The following TAOK1 variants were observed in gnomAD, a reference collection of about 807,000 sequenced individuals.
TAOK1 encodes TAO kinase 1, also known as serine/threonine-protein kinase TAO1.
TAOK1 carries 21 observed loss-of-function variants against 138.3 expected under a neutral mutation model. That is an observed-to-expected ratio of 0.15 (90% confidence interval 0.11 to 0.22). TAOK1 has a LOEUF of 0.22. TAOK1 is among the 10% of genes least tolerant of loss of function. The probability of loss-of-function intolerance (pLI) is 1.00; values close to 1 mark genes in which losing one functional copy is unlikely to be tolerated. For synonymous variants in TAOK1, 361 were observed against 398.4 expected (o/e 0.91, Z 1.12); for missense variants, 651 against 1,227.7 (o/e 0.53, Z 7.02).
chr17:29,543,010 G>A lies in TAOK1; in HGVS notation c.2994G>A (p.Met998Ile), dbSNP rs146733102. The change falls in exon 20 of 20, where the codon ATG becomes ATA. Residue 998 changes from methionine to isoleucine, a missense_variant. Met to Ile is a conservative substitution (Grantham distance 10, BLOSUM62 1). Coordinates refer to ENST00000261716, the MANE Select transcript of TAOK1 (RefSeq NM_020791.4). Reference protein sequence around the residue: ...VTSQISNGSHMSYT With the variant: ...VTSQISNGSHISYT ...CACAAATATCCAATGGGTCACACAT[G>A]TCTTATACATAACTTAATAATTGAG... The A allele has an allele frequency of 3.8e-4, 609 of 1,589,112 alleles. No homozygotes were observed. The highest frequency in any genetic ancestry group is 6.4e-4 in the South Asian group (57 of 88,976).
chr17:29,473,050 C>T (rs2030862918), intron 3 of TAOK1, among the ~76,000 whole-genome samples: 1 of 152,320 alleles, frequency 6.6e-6, no homozygotes, highest in African/African-American at 2.4e-5. Context: ...TGAAAGGAAT[C>T]TTTCTGAGCA....
chr17:29,392,169 T>TTCTC (rs1567704902), intron 1 of TAOK1, among the ~76,000 whole-genome samples: 6 of 152,044 alleles, frequency 3.9e-5, no homozygotes. Flanking sequence ...TGAGGCGAGA[T>TTCTC]GGTGCCACTG....
chr17:29,429,941 AC>A (rs1296097387), intron 1 of TAOK1, among the ~76,000 whole-genome samples: 4 of 152,224 alleles, frequency 2.6e-5, no homozygotes, highest in African/African-American at 9.6e-5. Flanking sequence ...GATCTTGTTG[AC>A]AGTAAAATTT....
Position 29,530,480 on chromosome 17 carries a change from GAAATCACCTGCT to G in TAOK1, c.2223_2234del (p.Asn742_Leu745del). ...CAAACCAGACAGTACAAAGCATTAA[GAAATCACCTGCT>G]GGAGACTACACCAAAGAGTGAGCAC... On this transcript the variant is annotated inframe_deletion, in exon 18 of 20. Coordinates refer to ENST00000261716, the MANE Select transcript of TAOK1 (RefSeq NM_020791.4). 1 of 1,613,986 alleles carries G rather than the reference GAAATCACCTGCT, an allele frequency of 6.2e-7. No individual in the cohort carries two copies.
chr17:29,404,338 A>G (rs1472547562), intron 1 of TAOK1, among the ~76,000 whole-genome samples: 2 of 151,948 alleles, frequency 1.3e-5, no homozygotes, highest in African/African-American at 4.8e-5. Context: ...AATTTTTTGT[A>G]TTTTTAGTAG....
chr17:29,459,319 A>G (rs1439791927), intron 2 of TAOK1, among the ~76,000 whole-genome samples: 1 of 152,070 alleles, frequency 6.6e-6, no homozygotes, highest in Non-Finnish European at 1.5e-5. Flanking sequence ...GTAATTTTAT[A>G]TAATTGTTTT....
intron 8 of TAOK1, among the ~76,000 whole-genome samples, chr17:29,484,796 G>T (rs1212201557): frequency 6.6e-6 from 1 of 151,956 alleles, no homozygotes; most frequent in Non-Finnish European, 1.5e-5. Context: ...GTAGAGATAG[G>T]TTTTCACCAT....
At chr17:29,425,920 G>A (rs1489885709) in intron 1 of TAOK1, among the ~76,000 whole-genome samples, 5 of 151,950 alleles carry the variant, frequency 3.3e-5, no homozygotes, top group East Asian at 1.9e-4. Context: ...TCGCTCTGTC[G>A]CCCAGGCTGG....
At chr17:29,484,847 C>T (rs1226853756) in intron 8 of TAOK1, among the ~76,000 whole-genome samples, 2 of 152,100 alleles carry the variant, frequency 1.3e-5, no homozygotes, top group Non-Finnish European at 2.9e-5. Context: ...TCAGGTGATC[C>T]ACCCACCTCA....
At chr17:29,433,978 G>A (rs1157433959) in intron 1 of TAOK1, among the ~76,000 whole-genome samples, 2 of 152,192 alleles carry the variant, frequency 1.3e-5, no homozygotes, top group East Asian at 1.9e-4. Context: ...CAGAGGCTCC[G>A]GTTGCATGAC....
intron 1 of TAOK1, among the ~76,000 whole-genome samples, chr17:29,427,278 A>G (rs1212278120): frequency 6.6e-6 from 1 of 152,194 alleles, no homozygotes; most frequent in Non-Finnish European, 1.5e-5. Flanking sequence ...GAGCAGGAAG[A>G]TTGAGTAATT....
At chr17:29,477,441 A>C (rs554347794) in intron 4 of TAOK1, among the ~76,000 whole-genome samples, 38 of 152,004 alleles carry the variant, frequency 2.5e-4, no homozygotes, top group African/African-American at 8.9e-4. Flanking sequence ...GACTTTATGC[A>C]TTTAACAAAT....
chr17:29,510,812 C>A (rs2153029584), intron 14 of TAOK1, 52 bp from the exon 15 acceptor site: 2 of 1,358,852 alleles, frequency 1.5e-6, no homozygotes, highest in Admixed American at 2.4e-5. Context: ...TATATTAAAC[C>A]ACTACTTTAT....
intron 2 of TAOK1, among the ~76,000 whole-genome samples, chr17:29,466,564 G>A (rs1293707961): frequency 6.6e-6 from 1 of 152,102 alleles, no homozygotes; most frequent in Non-Finnish European, 1.5e-5. Context: ...TTTCAATTTT[G>A]TACTCTTTAT....
chr17:29,396,298 T>C (rs1346959117), intron 1 of TAOK1, among the ~76,000 whole-genome samples: 2 of 152,146 alleles, frequency 1.3e-5, no homozygotes, highest in Non-Finnish European at 2.9e-5. Flanking sequence ...GGCTATACCT[T>C]TTTGATGACA....
At chr17:29,413,600 A>G (rs993776146) in intron 1 of TAOK1, among the ~76,000 whole-genome samples, 4 of 152,140 alleles carry the variant, frequency 2.6e-5, no homozygotes, top group Non-Finnish European at 5.9e-5. Context: ...TGTCTCAAAA[A>G]ACAAAAACAA....
chr17:29,496,604 T>TA (rs1555565225), intron 11 of TAOK1, among the ~76,000 whole-genome samples: 10 of 113,294 alleles, frequency 8.8e-5, no homozygotes, highest in Middle Eastern at 5.5e-3. Context: ...TTTTTTTTTT[T>TA]AAAGACAGGG....
intron 2 of TAOK1, among the ~76,000 whole-genome samples, chr17:29,463,881 C>T (rs1252246402): frequency 6.6e-6 from 1 of 152,068 alleles, no homozygotes; most frequent in Admixed American, 6.6e-5. Context: ...AAAAGACACT[C>T]AATTTTAAAA....
At chr17:29,452,172 T>C (rs2030256264) in intron 2 of TAOK1, among the ~76,000 whole-genome samples, 1 of 152,058 alleles carries the variant, frequency 6.6e-6, no homozygotes, top group Non-Finnish European at 1.5e-5. Context: ...GCCGAGATTG[T>C]ACCACTGCAT....
Sources: allele counts gnomAD v4.1 joint callset (sites outside exome capture counted in the v4.1 genomes callset), GRCh38; gene constraint gnomAD v4.1.1; transcripts MANE v1.5; gene names NCBI Gene and HGNC (gene_info 2026-07-23, HGNC 2026-07-21).